The following PRL variants were observed in gnomAD, a reference collection of about 807,000 sequenced individuals.
The protein encoded by PRL is prolactin.
A neutral mutation model predicts 21.3 loss-of-function variants in PRL; 24 were observed. That is an observed-to-expected ratio of 1.13 (90% confidence interval 0.82 to 1.59). PRL has a LOEUF of 1.59. Among genes scored for constraint, PRL ranks in the 40% most tolerant of loss-of-function variants. The pLI is 0.00. For missense variants in PRL, 243 were observed against 286.9 expected, an observed-to-expected ratio of 0.85 and a Z score of 1.10; for synonymous variants, 118 against 115.7, an observed-to-expected ratio of 1.02 and a Z score of -0.13.
chr6:22,294,436 G>A lies in PRL; in HGVS notation c.177C>T (p.Asn59=), dbSNP rs1452155406. The A allele has an allele frequency of 1.9e-6, 3 of 1,614,018 alleles. No homozygotes were observed. The highest frequency in any genetic ancestry group is 2.5e-6 in the Non-Finnish European group (3 of 1,180,020). Residue 59 remains asparagine (N), a synonymous_variant, in exon 2 of 5, where the codon AAC becomes AAT. Transcript: ENST00000306482. ...ATTCGCTGAACATTTCTGAGGAGAG[G>A]TTATGGATGTAGTGGGACAGGACGA... is the stretch of plus-strand genomic sequence containing the variant. ...RAVVLSHYIH[N]LSSEMFSEFD...
In PRL at chr6:22,287,381, A is replaced by G; in HGVS notation, c.*21T>C. 8 of 1,596,038 alleles carry G rather than the reference A, an allele frequency of 5.0e-6. No homozygotes were observed. Among genetic ancestry groups the G allele is most frequent in the Middle Eastern group, 1.7e-4 (1 of 5,984 alleles). On this transcript the variant is annotated 3_prime_UTR_variant, in exon 5 of 5. Transcript: ENST00000306482. ...CGGATCATTAAGGACCTTCTCAGAA[A>G]TAGATGAAATGGATGTGGGCTTAGC...
At position 22,288,225 on chromosome 6, in the gene PRL, C is replaced by A. The variant is rs368358085; in HGVS notation, c.493-632G>T. Among the ~76,000 whole-genome samples the A allele has an allele frequency of 1.8e-4, 27 of 151,996 alleles. 1 individual carries two copies. In the East Asian group the frequency reaches 2.3e-3, roughly 13 times the overall value. The stretch of plus-strand genomic sequence containing the variant: ...TTGAGGTCCCTGGGCTGGGAGGTGC[C>A]GGGAAAAGCACCTACAAGGAAAGGG... On this transcript the variant is annotated intron_variant, in intron 4 of 4. Transcript: ENST00000306482. This position sits in a 1 kb window ranked among gnomAD's most constrained non-coding sequence, Gnocchi z 4.5.
At chr6:22,294,128 C>G (rs1581387232) in intron 2 of PRL, among the ~76,000 whole-genome samples, 1 of 152,102 alleles carries the variant, frequency 6.6e-6, no homozygotes, top group Non-Finnish European at 1.5e-5. Flanking sequence ...TCAGCCCCAC[C>G]TAAACATGCT....
chr6:22,302,231 A>G (rs1268342196), upstream of PRL, among the ~76,000 whole-genome samples: 2 of 152,116 alleles, frequency 1.3e-5, no homozygotes, highest in African/African-American at 4.8e-5. Context: ...TGGAAAACAG[A>G]TCGTAAACCT....
At position 22,290,313 on chromosome 6, in the gene PRL, G is replaced by C. The variant is rs758181918; in HGVS notation, c.353C>G (p.Ser118Cys). The part of the protein sequence containing the change: ...FLSLIVSILR[S>C]WNEPLYHLVT... ...CAGATGATACAGAGGCTCATTCCAGGATCGCAATATGCTGACTATCAGGCT... is the reference window on the plus strand; with the variant it reads ...CAGATGATACAGAGGCTCATTCCAGCATCGCAATATGCTGACTATCAGGCT... Residue 118 changes from serine to cysteine, a missense_variant, in exon 4 of 5, where the codon TCC becomes TGC. Coordinates refer to ENST00000306482, the MANE Select transcript of PRL (RefSeq NM_000948.6). The C allele has an allele frequency of 2.5e-6, 4 of 1,608,042 alleles. No homozygotes were observed. Among genetic ancestry groups the C allele is most frequent in the Non-Finnish European group, 3.4e-6 (4 of 1,175,842 alleles).
In PRL at chr6:22,287,368, G is replaced by A; in HGVS notation, c.*34C>T. The A allele has an allele frequency of 6.3e-7, 1 of 1,578,038 alleles. No homozygotes were observed. Among genetic ancestry groups the A allele is most frequent in the Non-Finnish European group, 8.7e-7 (1 of 1,152,788 alleles). Reference sequence around the variant, plus strand: ...GCTTGCAATGGAACGGATCATTAAGGACCTTCTCAGAAATAGATGAAATGG... The same window carrying A: ...GCTTGCAATGGAACGGATCATTAAGAACCTTCTCAGAAATAGATGAAATGG... On this transcript the variant is annotated 3_prime_UTR_variant, in exon 5 of 5. Transcript: ENST00000306482.
Position 22,288,977 on chromosome 6 carries a change from T to C in PRL, c.492+1197A>G, listed in dbSNP as rs919676524. On this transcript the variant is annotated intron_variant, in intron 4 of 4. Coordinates refer to ENST00000306482, the MANE Select transcript of PRL (RefSeq NM_000948.6). This position sits in a 1 kb window ranked among gnomAD's most constrained non-coding sequence, Gnocchi z 4.5. ...GCGTGTGTGTGCGTGTGTGTATTCATTGACTGGCTTTATGTTTTTATTTTT... is the reference window on the plus strand; with the variant it reads ...GCGTGTGTGTGCGTGTGTGTATTCACTGACTGGCTTTATGTTTTTATTTTT... 6.6e-6 allele frequency among the ~76,000 whole-genome samples: 1 copy of C among 152,176 alleles called. No individual in the cohort carries two copies. The highest frequency in any genetic ancestry group is 6.5e-5 in the Admixed American group (1 of 15,282).
intron 4 of PRL, among the ~76,000 whole-genome samples, 170 bp downstream of exon 4, chr6:22,290,004 T>G (rs1761011472): frequency 6.6e-6 from 1 of 152,162 alleles, no homozygotes; most frequent in Non-Finnish European, 1.5e-5. Context: ...AAGATTCATT[T>G]ACATGTATGT....
chr6:22,294,119 C>G (rs1761122442), intron 2 of PRL, among the ~76,000 whole-genome samples: 2 of 152,164 alleles, frequency 1.3e-5, no homozygotes, highest in African/African-American at 4.8e-5. Context: ...TCCTTCTCCT[C>G]AGCCCCACCT....
At chr6:22,292,687 G>A (rs767203920) in intron 2 of PRL, 42 bp from the exon 3 acceptor site, 13 of 1,533,770 alleles carry the variant, frequency 8.5e-6, no homozygotes, top group Non-Finnish European at 1.2e-5. Context: ...GGGTTGTTTG[G>A]GCATTGAATA....
rs1368379237 is a variant in PRL at position 22,288,183 on chromosome 6, G to A, written c.493-590C>T. ...TTTTCATTTCCTCAAATTTCTAGGGGAAACAATTGCTTTCTTTTGAGGTCC... is the reference window on the plus strand; with the variant it reads ...TTTTCATTTCCTCAAATTTCTAGGGAAAACAATTGCTTTCTTTTGAGGTCC... On this transcript the variant is annotated intron_variant, in intron 4 of 4. Transcript: ENST00000306482. The surrounding 1 kb of genome is among the most constrained non-coding windows in gnomAD (Gnocchi z 4.5). Among the ~76,000 whole-genome samples, 1 of 152,106 alleles carries A rather than the reference G, an allele frequency of 6.6e-6. No homozygotes were observed. The highest frequency in any genetic ancestry group is 1.5e-5 in the Non-Finnish European group (1 of 68,026).
chr6:22,292,738 T>A, intron 2 of PRL, 93 bp from the exon 3 acceptor site: 1 of 1,022,200 alleles, frequency 9.8e-7, no homozygotes, highest in Non-Finnish European at 1.4e-6. Flanking sequence ...TTGGCAGATG[T>A]GTAATTTTAA....
Position 22,293,654 on chromosome 6 carries a change from G to A in PRL, c.204+755C>T, listed in dbSNP as rs1289962309. On this transcript the variant is annotated intron_variant, in intron 2 of 4. Coordinates refer to ENST00000306482, the MANE Select transcript of PRL (RefSeq NM_000948.6). ...AGGAAGGAAGGAAGGAAGGAAGGAA[G>A]GAAGGAAGGAAGGAAGGAGGGAAGG... 4.3e-5 allele frequency among the ~76,000 whole-genome samples: 3 copies of A among 69,406 alleles called. No individual in the cohort carries two copies. The East Asian group carries it at 1.6e-3, about 36-fold the overall frequency. 45.5% of individuals were successfully genotyped at this position (69,406 alleles called of 152,430 possible).
In PRL at chr6:22,287,474, G is replaced by A; in HGVS notation, c.612C>T (p.Arg204=). 6.2e-7 allele frequency: 1 copy of A among 1,614,170 alleles called. No homozygotes were observed. Among genetic ancestry groups the A allele is most frequent in the Non-Finnish European group, 8.5e-7 (1 of 1,180,008 alleles). Residue 204 remains arginine (R), a synonymous_variant, in exon 5 of 5, where the codon CGC becomes CGT. Transcript: ENST00000306482. The part of the protein sequence containing the change: ...SAYYNLLHCL[R]RDSHKIDNYL... Reference sequence around the variant, plus strand: ...AATTGTCGATTTTATGTGAATCCCTGCGTAGGCAGTGGAGCAGGTTATAAT... The same window carrying A: ...AATTGTCGATTTTATGTGAATCCCTACGTAGGCAGTGGAGCAGGTTATAAT...
intron 3 of PRL, among the ~76,000 whole-genome samples, chr6:22,292,009 G>C (rs1450559660): frequency 6.6e-6 from 1 of 152,150 alleles, no homozygotes; most frequent in African/African-American, 2.4e-5. Flanking sequence ...TTTTAACTAA[G>C]AAGTAAGAGA....
At chr6:22,294,710 G>T in intron 1 of PRL, 126 bp from the exon 2 acceptor site, 1 of 1,018,942 alleles carries the variant, frequency 9.8e-7, no homozygotes, top group Non-Finnish European at 1.4e-6. Flanking sequence ...CTACTGTAAT[G>T]GCTGGGATGG....
In PRL at chr6:22,293,031, A is replaced by G. The variant is rs367728390; in HGVS notation, c.205-386T>C. On this transcript the variant is annotated intron_variant, in intron 2 of 4. Transcript: ENST00000306482. ...CATTTGAGCCAAATGCCACAGTGCA[A>G]ATGTATTTACATGTATTCATTTAAT... Among the ~76,000 whole-genome samples, 14 of 152,304 alleles carry G rather than the reference A, an allele frequency of 9.2e-5. No homozygotes were observed. The South Asian group carries it at 2.1e-3, about 23-fold the overall frequency.
chr6:22,291,889 G>A (rs150931037), intron 3 of PRL, among the ~76,000 whole-genome samples: 1 of 152,344 alleles, frequency 6.6e-6, no homozygotes, highest in East Asian at 1.9e-4. Flanking sequence ...ATACATGATT[G>A]AGGCTTGATA....
chr6:22,288,205 G>T lies in PRL; in HGVS notation c.493-612C>A, dbSNP rs1461798343. Among the ~76,000 whole-genome samples the T allele has an allele frequency of 6.6e-6, 1 of 152,048 alleles. No individual in the cohort carries two copies. The highest frequency in any genetic ancestry group is 1.5e-5 in the Non-Finnish European group (1 of 68,006). On this transcript the variant is annotated intron_variant, in intron 4 of 4. Coordinates refer to ENST00000306482, the MANE Select transcript of PRL (RefSeq NM_000948.6). This position sits in a 1 kb window ranked among gnomAD's most constrained non-coding sequence, Gnocchi z 4.5. Reference sequence around the variant, plus strand: ...GGGGAAACAATTGCTTTCTTTTGAGGTCCCTGGGCTGGGAGGTGCCGGGAA... The same window carrying T: ...GGGGAAACAATTGCTTTCTTTTGAGTTCCCTGGGCTGGGAGGTGCCGGGAA...
Sources: allele counts gnomAD v4.1 joint callset (sites outside exome capture counted in the v4.1 genomes callset), GRCh38; gene constraint gnomAD v4.1.1; non-coding constraint Gnocchi (gnomAD v3.1); transcripts MANE v1.5; gene names NCBI Gene and HGNC (gene_info 2026-07-23, HGNC 2026-07-21).